SATB2: variants seen among roughly 807,000 people sequenced by gnomAD.
The protein encoded by SATB2 is SATB homeobox 2, also known as DNA-binding protein SATB2.
SATB2 carries 1 observed loss-of-function variant against 73.4 expected under a neutral mutation model. The observed-to-expected ratio is 0.01, with a 90% CI of 0.00 to 0.06. The LOEUF (loss-of-function observed/expected upper bound fraction) is 0.06. SATB2 is among the 10% of genes least tolerant of loss of function. The pLI, the probability that SATB2 is intolerant of heterozygous loss-of-function variation, is 1.00. For synonymous variants in SATB2, 397 were observed against 367.0 expected (o/e 1.08, Z -0.93); for missense variants, 459 against 945.8 (o/e 0.49, Z 6.75).
chr2:199,419,766 C>T (rs1157190505), intron 3 of SATB2, among the ~76,000 whole-genome samples: 1 of 152,062 alleles, frequency 6.6e-6, no homozygotes, highest in Non-Finnish European at 1.5e-5. Flanking sequence ...ATTTATAATT[C>T]CTCATGCAAT....
At position 199,455,732 on chromosome 2, in the gene SATB2, C is replaced by T; in HGVS notation, c.169+137G>A. On this transcript the variant is annotated intron_variant, in intron 2 of 10. Coordinates refer to ENST00000417098, the MANE Select transcript of SATB2 (RefSeq NM_001172509.2). The surrounding 1 kb of genome is among the most constrained non-coding windows in gnomAD (Gnocchi z 4.1). Reference sequence around the variant, plus strand: ...GCTACCAGTTGCAGATGAGAGGCGACGGGGGCATTATTTGGCAACCTGGAA... The same window carrying T: ...GCTACCAGTTGCAGATGAGAGGCGATGGGGGCATTATTTGGCAACCTGGAA... 3 of 947,250 alleles carry T rather than the reference C, an allele frequency of 3.2e-6. No homozygotes were observed. The highest frequency in any genetic ancestry group is 4.8e-6 in the Non-Finnish European group (3 of 625,358). 58.7% of individuals were successfully genotyped at this position (947,250 alleles called of 1,614,324 possible).
At chr2:199,363,100 T>C (rs1689186367) in intron 6 of SATB2, among the ~76,000 whole-genome samples, 1 of 152,186 alleles carries the variant, frequency 6.6e-6, no homozygotes, top group Admixed American at 6.6e-5. Context: ...TTAAGATCCA[T>C]GCAAGGAATT....
chr2:199,450,113 G>T (rs1204329079), intron 2 of SATB2, among the ~76,000 whole-genome samples: 1 of 152,032 alleles, frequency 6.6e-6, no homozygotes, highest in Non-Finnish European at 1.5e-5. Context: ...TGCTGCCAAA[G>T]CTTCTGAAAA....
upstream of SATB2, among the ~76,000 whole-genome samples, chr2:199,462,889 G>A (rs1258531116): frequency 6.6e-6 from 1 of 152,070 alleles, no homozygotes; most frequent in African/African-American, 2.4e-5. The surrounding 1 kb of genome is among the most constrained non-coding windows in gnomAD (Gnocchi z 5.9). Flanking sequence ...CCGTTCAGGA[G>A]CCGGGTGGGC....
At chr2:199,349,297 G>A (rs1403884153) in intron 6 of SATB2, 124 bp from the exon 7 acceptor site, 8 of 745,148 alleles carry the variant, frequency 1.1e-5, no homozygotes, top group African/African-American at 1.1e-4. Flanking sequence ...TTCATACAAC[G>A]ATGGAAGCTC....
intron 10 of SATB2, among the ~76,000 whole-genome samples, chr2:199,307,436 C>G (rs982831136): frequency 6.6e-6 from 1 of 152,026 alleles, no homozygotes; most frequent in Non-Finnish European, 1.5e-5. Flanking sequence ...GATGAGACTT[C>G]GGTCAGAAAA....
At chr2:199,333,643 T>C (rs1227224851) in intron 7 of SATB2, among the ~76,000 whole-genome samples, 1 of 152,012 alleles carries the variant, frequency 6.6e-6, no homozygotes, top group East Asian at 1.9e-4. Flanking sequence ...AAAAATATAA[T>C]AAGAGTCTAC....
intron 2 of SATB2, among the ~76,000 whole-genome samples, chr2:199,448,602 G>T (rs940036153): frequency 8.5e-5 from 13 of 152,130 alleles, no homozygotes; most frequent in Non-Finnish European, 1.5e-5. Context: ...GAAAACATTT[G>T]CTCTAACTAG....
At chr2:199,347,371 G>C (rs1400929104) in intron 7 of SATB2, 1 of 152,106 alleles carries the variant, frequency 6.6e-6, no homozygotes, top group African/African-American at 2.4e-5. Context: ...GAAATCAGTT[G>C]TTTTATGTCT....
chr2:199,355,110 T>G (rs995560421), intron 6 of SATB2, among the ~76,000 whole-genome samples: 1 of 151,802 alleles, frequency 6.6e-6, no homozygotes, highest in African/African-American at 2.4e-5. Flanking sequence ...AAATCCCTGA[T>G]ATATATTTAT....
At chr2:199,275,583 A>G (rs185165903) in intron 10 of SATB2, among the ~76,000 whole-genome samples, 13 of 152,270 alleles carry the variant, frequency 8.5e-5, no homozygotes, top group African/African-American at 3.1e-4. Context: ...GGGAGTTGTC[A>G]GTCTGATAAA....
intron 7 of SATB2, among the ~76,000 whole-genome samples, chr2:199,340,849 A>G (rs1380246699): frequency 6.6e-6 from 1 of 152,168 alleles, no homozygotes; most frequent in Admixed American, 6.5e-5. Context: ...AGCTTCCTCT[A>G]CTTCATTTAA....
chr2:199,348,441 C>G lies in SATB2; in HGVS notation c.1173+260G>C, dbSNP rs13387985. On this transcript the variant is annotated intron_variant, in intron 7 of 10. Coordinates refer to ENST00000417098, the MANE Select transcript of SATB2 (RefSeq NM_001172509.2). ...AGGATGAGAGAGTACATACCCAAGT[C>G]ATTAGTAACATTTGGGGTCCTGAGT... 0.012 allele frequency: 5,759 copies of G among 477,286 alleles called. 297 individuals are homozygous for G. The highest frequency in any genetic ancestry group is 0.1 in the African/African-American group (5,285 of 50,724). 29.6% of individuals were successfully genotyped at this position (477,286 alleles called of 1,614,324 possible).
intron 2 of SATB2, 30 bp from the exon 3 acceptor site, chr2:199,433,544 C>A (rs746737194): frequency 6.7e-5 from 108 of 1,607,974 alleles, no homozygotes; most frequent in Admixed American, 1.5e-4. Flanking sequence ...GAGCAAAACA[C>A]AAACATTAAA....
At chr2:199,465,723 T>C (rs1369674189), upstream of SATB2, among the ~76,000 whole-genome samples, 3 of 152,248 alleles carry the variant, frequency 2.0e-5, no homozygotes, top group Non-Finnish European at 4.4e-5. Context: ...GATATATACT[T>C]TTTTCGTTTT....
intron 2 of SATB2, among the ~76,000 whole-genome samples, chr2:199,451,946 G>T (rs568366523): frequency 5.5e-4 from 83 of 152,068 alleles, no homozygotes; most frequent in African/African-American, 1.8e-3. Context: ...CTAGTTATAA[G>T]ATAACTTTAA....
intron 2 of SATB2, among the ~76,000 whole-genome samples, chr2:199,450,524 A>G (rs1692093834): frequency 6.6e-6 from 1 of 152,118 alleles, no homozygotes; most frequent in African/African-American, 2.4e-5. Context: ...CTGAAATAAA[A>G]CAATGTACAT....
upstream of SATB2, chr2:199,458,204 G>T (rs1189161802): frequency 4.7e-6 from 1 of 210,818 alleles, no homozygotes; most frequent in Non-Finnish European, 9.5e-6. Context: ...GGAGTGGGGG[G>T]CGGGGAGGAG....
At chr2:199,465,474 C>T (rs1300704151), upstream of SATB2, among the ~76,000 whole-genome samples, 2 of 152,188 alleles carry the variant, frequency 1.3e-5, no homozygotes, top group African/African-American at 4.8e-5. Flanking sequence ...TCAGTAAAGA[C>T]TTCTATATGA....
Sources: gnomAD v4.1 joint callset for allele counts (sites outside exome capture counted in the v4.1 genomes callset) on GRCh38, gnomAD v4.1.1 for gene constraint, Gnocchi (gnomAD v3.1) non-coding constraint, MANE v1.5 for transcripts, NCBI Gene and HGNC (gene_info 2026-07-23, HGNC 2026-07-21) for gene names.